Variants in KCNK2 observed in about 807,000 individuals in gnomAD.
KCNK2 encodes the protein potassium channel subfamily K member 2.
Under a neutral mutation model 40.5 loss-of-function variants are expected in KCNK2, and 21 were observed. The observed-to-expected ratio is 0.52, with a 90% CI of 0.37 to 0.75. KCNK2 has a LOEUF of 0.75. Among genes scored for constraint, KCNK2 ranks in the 30% least tolerant of loss-of-function variants. KCNK2 has a pLI of 0.00. For synonymous variants in KCNK2, 191 were observed against 202.2 expected (o/e 0.94, Z 0.47); for missense variants, 399 against 531.6 (o/e 0.75, Z 2.45).
chr1:215,085,941 G>C (rs143718637), intron 1 of KCNK2, among the ~76,000 whole-genome samples: 1 of 152,150 alleles, frequency 6.6e-6, no homozygotes, highest in East Asian at 1.9e-4. Context: ...GTGATATAAA[G>C]TTCTTGAGAA....
chr1:215,190,542 A>T (rs1664625030), intron 5 of KCNK2, among the ~76,000 whole-genome samples: 1 of 152,138 alleles, frequency 6.6e-6, no homozygotes, highest in African/African-American at 2.4e-5. Context: ...GGGTGGCCTG[A>T]CATATGTTAT....
At chr1:215,188,279 C>A (rs1664533239) in intron 5 of KCNK2, among the ~76,000 whole-genome samples, 1 of 152,084 alleles carries the variant, frequency 6.6e-6, no homozygotes. Flanking sequence ...TTGGGACTTT[C>A]CCAGGTAAAA....
rs187274195 is a variant in KCNK2, at chr1:215,032,938, A to G, written c.34+26983A>G. On this transcript the variant is annotated intron_variant, in intron 1 of 6. Coordinates refer to the KCNK2 transcript ENST00000391895. ...AAATTCTCTGTCATTATTGTTTCAT[A>G]TATGTCTCCATTTCCTTTCTTTCTT... is the stretch of plus-strand genomic sequence containing the variant. Among the ~76,000 whole-genome samples the G allele has an allele frequency of 7.9e-5, 12 of 152,134 alleles. No individual in the cohort carries two copies. In the East Asian group the frequency reaches 1.2e-3, roughly 15 times the overall value.
At chr1:215,187,425 C>T (rs969093344) in intron 5 of KCNK2, among the ~76,000 whole-genome samples, 7 of 151,958 alleles carry the variant, frequency 4.6e-5, no homozygotes, top group Non-Finnish European at 8.8e-5. Context: ...TTCCTGAGAG[C>T]TAAATCAACT....
At chr1:215,031,492 G>A (rs1657188036) in intron 1 of KCNK2, among the ~76,000 whole-genome samples, 1 of 152,098 alleles carries the variant, frequency 6.6e-6, no homozygotes, top group African/African-American at 2.4e-5. Flanking sequence ...AGTACAGGTT[G>A]AGTAACCCTA....
At chr1:215,179,395 T>C (rs1664129683) in intron 5 of KCNK2, among the ~76,000 whole-genome samples, 1 of 152,064 alleles carries the variant, frequency 6.6e-6, no homozygotes, top group African/African-American at 2.4e-5. Context: ...CTTCTAACTT[T>C]AGTCACTTCT....
chr1:215,015,030 T>C (rs1656538575), intron 1 of KCNK2, among the ~76,000 whole-genome samples: 1 of 152,142 alleles, frequency 6.6e-6, no homozygotes, highest in Non-Finnish European at 1.5e-5. Context: ...ATGTGAGAGG[T>C]CAGGAAAGCA....
chr1:215,227,000 A>G (rs1445361146), intron 6 of KCNK2, among the ~76,000 whole-genome samples: 1 of 152,212 alleles, frequency 6.6e-6, no homozygotes, highest in Admixed American at 6.5e-5. Flanking sequence ...TTATCCCATC[A>G]GAGTCAACCA....
intron 4 of KCNK2, among the ~76,000 whole-genome samples, chr1:215,170,895 C>G (rs1408777042): frequency 6.6e-6 from 1 of 151,946 alleles, no homozygotes; most frequent in East Asian, 1.9e-4. Flanking sequence ...AAAAAAAGTT[C>G]CATGCCCTTA....
intron 5 of KCNK2, among the ~76,000 whole-genome samples, chr1:215,176,017 T>A (rs1411243315): frequency 6.6e-6 from 1 of 152,154 alleles, no homozygotes; most frequent in Non-Finnish European, 1.5e-5. Flanking sequence ...TAGCCAGTAA[T>A]AGGATTGCTG....
intron 3 of KCNK2, among the ~76,000 whole-genome samples, chr1:215,139,031 G>A (rs1394367489): frequency 6.6e-6 from 1 of 152,118 alleles, no homozygotes; most frequent in African/African-American, 2.4e-5. Context: ...GGAATTAATA[G>A]CATACTCATT....
intron 1 of KCNK2, among the ~76,000 whole-genome samples, chr1:215,043,921 T>A (rs1038606186): frequency 6.6e-6 from 1 of 152,084 alleles, no homozygotes; most frequent in African/African-American, 2.4e-5. Flanking sequence ...AATCTGTAGA[T>A]GATGCCAAAA....
intron 5 of KCNK2, among the ~76,000 whole-genome samples, chr1:215,191,018 C>A (rs1423169318): frequency 6.6e-6 from 1 of 150,842 alleles, no homozygotes; most frequent in African/African-American, 2.4e-5. Context: ...GGCATGGTGG[C>A]TCATGCCTGT....
At chr1:215,076,723 G>C (rs148386232) in intron 1 of KCNK2, among the ~76,000 whole-genome samples, 51 of 152,264 alleles carry the variant, frequency 3.3e-4, no homozygotes, top group African/African-American at 1.0e-3. Context: ...CCACACTCGA[G>C]GGGAGGGGTG....
At chr1:215,130,858 TTTA>T in intron 3 of KCNK2, among the ~76,000 whole-genome samples, 1 of 125,348 alleles carries the variant, frequency 8.0e-6, no homozygotes, top group African/African-American at 5.9e-5. Context: ...TTTATTTTTA[TTTA>T]TTTATTTATT....
intron 1 of KCNK2, among the ~76,000 whole-genome samples, chr1:215,064,706 GA>G (rs1161523607): frequency 3.3e-5 from 5 of 152,196 alleles, no homozygotes; most frequent in Non-Finnish European, 5.9e-5. Flanking sequence ...AGGGAGCTGA[GA>G]AACAGGGGCC....
chr1:215,114,159 C>T (rs554809806), intron 2 of KCNK2, among the ~76,000 whole-genome samples: 11 of 152,100 alleles, frequency 7.2e-5, no homozygotes, highest in Admixed American at 2.6e-4. Context: ...GACCCACCAG[C>T]CTCATGCTTA....
intron 2 of KCNK2, among the ~76,000 whole-genome samples, chr1:215,111,273 G>A (rs1660673202): frequency 6.6e-6 from 1 of 152,026 alleles, no homozygotes; most frequent in African/African-American, 2.4e-5. Flanking sequence ...AATAGAAATG[G>A]TGAGAGTGGG....
intron 3 of KCNK2, among the ~76,000 whole-genome samples, chr1:215,153,878 A>G (rs1045434502): frequency 6.6e-5 from 10 of 152,108 alleles, no homozygotes; most frequent in African/African-American, 2.4e-4. Context: ...GTTTGCTGAG[A>G]ATGATGGCTT....
Sources: gnomAD v4.1 joint callset for allele counts (sites outside exome capture counted in the v4.1 genomes callset) on GRCh38, gnomAD v4.1.1 for gene constraint, MANE v1.5 for transcripts, NCBI Gene and HGNC (gene_info 2026-07-23, HGNC 2026-07-21) for gene names.